Variants in UBE3B observed in about 807,000 individuals in gnomAD.
UBE3B encodes ubiquitin protein ligase E3B.
UBE3B carries 80 observed loss-of-function variants against 132.3 expected under a neutral mutation model. The observed-to-expected ratio is 0.60, with a 90% CI of 0.50 to 0.73. The LOEUF is 0.73. UBE3B is among the 30% of genes least tolerant of loss of function. UBE3B has a pLI of 0.00. For synonymous variants in UBE3B, 487 were observed against 520.4 expected (o/e 0.94, Z 0.87); for missense variants, 1,196 against 1,362.5 (o/e 0.88, Z 1.92).
chr12:109,504,227 G>A (rs552036346), intron 14 of UBE3B, among the ~76,000 whole-genome samples: 23 of 152,334 alleles, frequency 1.5e-4, no homozygotes, highest in African/African-American at 5.5e-4. Context: ...ATGTTTAGCA[G>A]CCCTGGTCCC....
At chr12:109,526,078 A>G (rs1055205329) in intron 23 of UBE3B, among the ~76,000 whole-genome samples, 3 of 152,160 alleles carry the variant, frequency 2.0e-5, no homozygotes, top group African/African-American at 7.2e-5. Flanking sequence ...GTCCTACTCT[A>G]CTCCGAAATG....
intron 15 of UBE3B, chr12:109,508,867 T>G: frequency 1.9e-6 from 1 of 524,002 alleles, no homozygotes; most frequent in Non-Finnish European, 2.5e-6. Flanking sequence ...ACCTGCTAAG[T>G]GTCACTAGTA....
the UBE3B span, among the ~76,000 whole-genome samples, chr12:109,544,903 T>C: frequency 6.6e-6 from 1 of 152,226 alleles, no homozygotes; most frequent in Non-Finnish European, 1.5e-5. Context: ...TGTTTTTCCA[T>C]CTGTTACCCA....
intron 19 of UBE3B, chr12:109,517,878 CG>C: frequency 2.5e-6 from 1 of 407,384 alleles, no homozygotes; most frequent in Non-Finnish European, 5.1e-6. Context: ...TTTTCTCCCT[CG>C]GTGCATCGTA....
At position 109,516,854 on chromosome 12, in the gene UBE3B, C is replaced by A; in HGVS notation, c.2046C>A (p.His682Gln). The change falls in exon 19 of 28, where the codon CAC (histidine) becomes CAA (glutamine). Residue 682 changes from histidine to glutamine, a missense_variant. Transcript: ENST00000342494. Reference sequence around the variant, plus strand: ...GCTCTGCCTCCCCGCATGTCACTCACATCACCATCCGCCGGTCCAGGATGC... The same window carrying A: ...GCTCTGCCTCCCCGCATGTCACTCAAATCACCATCCGCCGGTCCAGGATGC... ...ETSSASPHVTHITIRRSRMLE... is the reference protein window; with the variant it reads ...ETSSASPHVTQITIRRSRMLE... The A allele has an allele frequency of 6.2e-7, 1 of 1,614,098 alleles. No homozygotes were observed. The highest frequency in any genetic ancestry group is 8.5e-7 in the Non-Finnish European group (1 of 1,180,024).
At chr12:109,539,682 C>T (rs1235728858), downstream of UBE3B, among the ~76,000 whole-genome samples, 5 of 152,302 alleles carry the variant, frequency 3.3e-5, no homozygotes, top group South Asian at 2.1e-4. Flanking sequence ...TTCCAGGGAT[C>T]GAATTGACAT....
Position 109,534,480 on chromosome 12 carries a change from C to T in UBE3B, c.3016-111C>T. 6.7e-7 allele frequency: 1 copy of T among 1,483,180 alleles called. No homozygotes were observed. Among genetic ancestry groups the T allele is most frequent in the South Asian group, 1.4e-5 (1 of 71,394 alleles). The allele number at this position is 1,483,180 out of a possible 1,614,324, so 91.9% of individuals were successfully genotyped here. A position where few individuals can be genotyped will look rare whatever the true frequency, so the allele number is the denominator to read the frequency against. On this transcript the variant is annotated intron_variant, in intron 27 of 27. Transcript: ENST00000342494. The surrounding 1 kb of genome is among the most constrained non-coding windows in gnomAD (Gnocchi z 5.2). ...GCCAGGGCAGCGCCCTGCACTCTGC[C>T]CAGCATCCAGGGACTGGCCAGATCC...
At chr12:109,530,397 T>C in intron 25 of UBE3B, 150 bp from the exon 26 acceptor site, 1 of 662,602 alleles carries the variant, frequency 1.5e-6, no homozygotes, top group South Asian at 1.9e-5. Context: ...GATAGAGTTA[T>C]TGAGGCATGA....
Position 109,498,225 on chromosome 12 carries a change from C to T in UBE3B, c.820-8C>T. The T allele has an allele frequency of 1.9e-6, 3 of 1,613,762 alleles. No individual in the cohort carries two copies. Among genetic ancestry groups the T allele is most frequent in the Non-Finnish European group, 1.7e-6 (2 of 1,179,852 alleles). On this transcript the variant is annotated splice_region_variant and splice_polypyrimidine_tract_variant and intron_variant, in intron 10 of 27. Coordinates refer to ENST00000342494, the MANE Select transcript of UBE3B (RefSeq NM_130466.4). ...GTTTCTGATTTAACGGTCTGCTATT[C>T]TTTGCAGCGCCTCACTGTTTTAGAA...
intron 9 of UBE3B, among the ~76,000 whole-genome samples, chr12:109,494,717 G>A (rs1321206006): frequency 6.6e-6 from 1 of 152,204 alleles, no homozygotes; most frequent in African/African-American, 2.4e-5. Context: ...AGTTGTAGGA[G>A]TGTTTGCAGT....
chr12:109,516,018 T>A (rs1880988887), intron 18 of UBE3B, among the ~76,000 whole-genome samples: 1 of 152,180 alleles, frequency 6.6e-6, no homozygotes, highest in South Asian at 2.1e-4. Context: ...AAGTTATCTT[T>A]GAATTATTTT....
At chr12:109,504,823 G>A (rs148983034) in intron 14 of UBE3B, among the ~76,000 whole-genome samples, 1,703 of 144,544 alleles carry the variant, frequency 0.012, 25 homozygotes, top group African/African-American at 0.036. Context: ...TTTTTTTTTC[G>A]AGACGGAGTC....
At chr12:109,526,730 G>A (rs59832747) in intron 24 of UBE3B, among the ~76,000 whole-genome samples, 2,242 of 152,204 alleles carry the variant, frequency 0.015, 59 homozygotes, top group African/African-American at 0.052. Context: ...AATTAGCTGG[G>A]CGTGGTGGCT....
intron 13 of UBE3B, among the ~76,000 whole-genome samples, chr12:109,502,680 T>G (rs1404714681): frequency 6.6e-6 from 1 of 152,116 alleles, no homozygotes; most frequent in Non-Finnish European, 1.5e-5. Context: ...CCAGGGCCCC[T>G]GCCTTTGCCC....
Position 109,477,848 on chromosome 12 carries a change from G to A in UBE3B, c.-389G>A, listed in dbSNP as rs1413573067. ...TCAGTCCTCCGAGTGGTGGGGCTGGGGACTTTGAGGGAGTTGGCTCTAGGG... is the reference window on the plus strand; with the variant it reads ...TCAGTCCTCCGAGTGGTGGGGCTGGAGACTTTGAGGGAGTTGGCTCTAGGG... On this transcript the variant is annotated 5_prime_UTR_variant, in exon 1 of 28. Transcript: ENST00000342494. The A allele has an allele frequency of 6.3e-6, 1 of 157,834 alleles. No homozygotes were observed. The highest frequency in any genetic ancestry group is 1.4e-5 in the Non-Finnish European group (1 of 71,178). 9.8% of individuals were successfully genotyped at this position (157,834 alleles called of 1,614,324 possible). A position where few individuals can be genotyped will look rare whatever the true frequency, so the allele number is the denominator to read the frequency against.
intron 19 of UBE3B, chr12:109,519,814 G>C (rs1431003685): frequency 6.6e-6 from 1 of 152,182 alleles, no homozygotes; most frequent in Non-Finnish European, 1.5e-5. Context: ...CTGTGCTCCT[G>C]TTCCCACATG....
intron 14 of UBE3B, among the ~76,000 whole-genome samples, chr12:109,505,479 G>A (rs918052357): frequency 2.0e-5 from 3 of 152,192 alleles, no homozygotes; most frequent in Non-Finnish European, 4.4e-5. Context: ...TATCCCATAG[G>A]AGTATATTTG....
At chr12:109,541,001 C>T (rs906667076), downstream of UBE3B, among the ~76,000 whole-genome samples, 8 of 152,352 alleles carry the variant, frequency 5.3e-5, no homozygotes, top group South Asian at 8.3e-4. Flanking sequence ...CTTCTCTGCA[C>T]GTCTCTGGCT....
At chr12:109,506,639 C>A (rs780814928) in intron 14 of UBE3B, among the ~76,000 whole-genome samples, 4 of 152,254 alleles carry the variant, frequency 2.6e-5, no homozygotes, top group Non-Finnish European at 4.4e-5. Flanking sequence ...GCGTGAGCCA[C>A]AGCACCGGGC....
Sources: gnomAD v4.1 joint callset for allele counts (sites outside exome capture counted in the v4.1 genomes callset) on GRCh38, gnomAD v4.1.1 for gene constraint, Gnocchi (gnomAD v3.1) non-coding constraint, MANE v1.5 for transcripts, NCBI Gene and HGNC (gene_info 2026-07-23, HGNC 2026-07-21) for gene names.